Variants in JAK2 observed in about 807,000 individuals in gnomAD.
JAK2 encodes Janus kinase 2.
A neutral mutation model predicts 139.3 loss-of-function variants in JAK2; 86 were observed. That is an observed-to-expected ratio of 0.62 (90% CI 0.52 to 0.74). The LOEUF (loss-of-function observed/expected upper bound fraction) is 0.74, where lower values mean the gene tolerates loss of function less well. JAK2 is among the 30% of genes least tolerant of loss of function. The probability of loss-of-function intolerance (pLI) is 0.00; values close to 1 mark genes in which losing one functional copy is unlikely to be tolerated. For synonymous variants in JAK2, 490 were observed against 437.7 expected (o/e 1.12, Z -1.49); for missense variants, 1,421 against 1,360.3 (o/e 1.04, Z -0.70).
At chr9:4,996,928 CTTTTTTTTTTT>C (rs1166992356) in intron 2 of JAK2, among the ~76,000 whole-genome samples, 2 of 94,708 alleles carry the variant, frequency 2.1e-5, no homozygotes, top group Admixed American at 1.1e-4. Context: ...TTAGTTTGTT[CTTTTTTTTTTT>C]TTTTTTTTTT....
intron 5 of JAK2, among the ~76,000 whole-genome samples, chr9:5,045,640 G>A (rs1046503825): frequency 4.6e-5 from 7 of 152,008 alleles, no homozygotes; most frequent in African/African-American, 1.2e-4. Context: ...CCTTTTCTAT[G>A]TACCTCATAC....
chr9:5,026,613 T>C (rs1460460203), intron 3 of JAK2, among the ~76,000 whole-genome samples: 2 of 152,182 alleles, frequency 1.3e-5, no homozygotes, highest in African/African-American at 2.4e-5. Context: ...TCATTTCTGA[T>C]TTAATTGAAG....
At chr9:5,011,818 G>T (rs1587823737) in intron 2 of JAK2, among the ~76,000 whole-genome samples, 1 of 152,116 alleles carries the variant, frequency 6.6e-6, no homozygotes, top group Non-Finnish European at 1.5e-5. Context: ...GCGGAGGCTT[G>T]GTTTTAGGCT....
intron 2 of JAK2, among the ~76,000 whole-genome samples, chr9:4,989,951 A>C (rs1820150771): frequency 6.6e-6 from 1 of 152,214 alleles, no homozygotes. Flanking sequence ...TTGAATTGAG[A>C]AAGAGTTTGC....
intron 22 of JAK2, chr9:5,112,480 C>A: frequency 1.8e-6 from 1 of 554,012 alleles, no homozygotes; most frequent in Non-Finnish European, 3.3e-6. Context: ...CCGGACCAGC[C>A]CAGACAAGGA....
intron 15 of JAK2, 119 bp from the exon 16 acceptor site, chr9:5,078,187 C>T: frequency 1.3e-6 from 1 of 785,340 alleles, no homozygotes; most frequent in Non-Finnish European, 2.0e-6. Flanking sequence ...TGCATGCCTC[C>T]AAATTATTAT....
intron 14 of JAK2, among the ~76,000 whole-genome samples, chr9:5,074,808 A>G (rs977722464): frequency 6.6e-6 from 1 of 152,134 alleles, no homozygotes; most frequent in Non-Finnish European, 1.5e-5. Flanking sequence ...TATCCAGAAG[A>G]TCTAGCAAAG....
chr9:5,091,933 T>A (rs1396298131), intron 22 of JAK2, among the ~76,000 whole-genome samples: 1 of 151,938 alleles, frequency 6.6e-6, no homozygotes, highest in Non-Finnish European at 1.5e-5. Context: ...GTGGTATAGT[T>A]GTTTGGGGGG....
chr9:5,055,533 G>C, intron 7 of JAK2, 136 bp from the exon 8 acceptor site: 5 of 630,022 alleles, frequency 7.9e-6, no homozygotes, highest in Non-Finnish European at 1.3e-5. Flanking sequence ...AGTAAATCAC[G>C]TTTAATGCTT....
At chr9:5,103,033 C>A (rs761706886) in intron 22 of JAK2, among the ~76,000 whole-genome samples, 1 of 151,878 alleles carries the variant, frequency 6.6e-6, no homozygotes, top group Non-Finnish European at 1.5e-5. Context: ...GGTTCAAATT[C>A]ACACATAACA....
At chr9:5,063,094 C>T (rs1563967892) in intron 8 of JAK2, among the ~76,000 whole-genome samples, 1 of 152,006 alleles carries the variant, frequency 6.6e-6, no homozygotes, top group Non-Finnish European at 1.5e-5. Flanking sequence ...ACATGCTTGT[C>T]TCTTTATTAT....
At chr9:5,049,261 C>A (rs775132857) in intron 5 of JAK2, among the ~76,000 whole-genome samples, 1 of 152,142 alleles carries the variant, frequency 6.6e-6, no homozygotes, top group Non-Finnish European at 1.5e-5. Context: ...ATGATGAAAA[C>A]AGATCTCCAT....
Position 5,029,802 on chromosome 9 carries a change from T to C in JAK2, c.246T>C (p.His82=). ...SKACGITPVY[H]NMFALMSETE... ...TTCTAGGTATCACACCTGTGTATCA[T>C]AATATGTTTGCTTTAATGAGTGAAA... Residue 82 remains histidine (H), a synonymous_variant, in exon 4 of 25, where the codon CAT becomes CAC. Transcript: ENST00000381652. 1.2e-6 allele frequency: 2 copies of C among 1,611,442 alleles called. No individual in the cohort carries two copies. The highest frequency in any genetic ancestry group is 1.7e-6 in the Non-Finnish European group (2 of 1,178,086).
At chr9:5,082,176 C>T (rs1317930252) in intron 19 of JAK2, among the ~76,000 whole-genome samples, 1 of 152,156 alleles carries the variant, frequency 6.6e-6, no homozygotes, top group South Asian at 2.1e-4. Flanking sequence ...ATATGGAGGA[C>T]CCGCACCAAC....
intron 2 of JAK2, among the ~76,000 whole-genome samples, chr9:4,988,695 A>C (rs529107579): frequency 6.6e-6 from 1 of 152,278 alleles, no homozygotes; most frequent in Admixed American, 6.5e-5. Flanking sequence ...TTTTAAAACT[A>C]ATCCTATTGC....
intron 22 of JAK2, among the ~76,000 whole-genome samples, chr9:5,106,568 A>G (rs561305279): frequency 6.2e-4 from 94 of 152,370 alleles, no homozygotes; most frequent in Non-Finnish European, 8.7e-4. Flanking sequence ...CCAAAGGATT[A>G]TAAATCATGC....
In JAK2 at chr9:5,126,813, G is replaced by A. The variant is rs771905359; in HGVS notation, c.*22G>A. 1.4e-6 allele frequency: 2 copies of A among 1,432,660 alleles called. No individual in the cohort carries two copies. The highest frequency in any genetic ancestry group is 2.3e-5 in the South Asian group (2 of 85,616). The allele number at this position is 1,432,660 out of a possible 1,614,324, so 88.7% of individuals were successfully genotyped here. On this transcript the variant is annotated 3_prime_UTR_variant, in exon 25 of 25. Coordinates refer to ENST00000381652, the MANE Select transcript of JAK2 (RefSeq NM_004972.4). ...ATGAAAGAAATGACCTTCATTCTGAGACCAAAGTAGATTTACAGAACAAAG... is the reference window on the plus strand; with the variant it reads ...ATGAAAGAAATGACCTTCATTCTGAAACCAAAGTAGATTTACAGAACAAAG...
intron 2 of JAK2, among the ~76,000 whole-genome samples, chr9:5,000,646 A>G (rs1385127854): frequency 1.3e-5 from 2 of 152,028 alleles, no homozygotes; most frequent in African/African-American, 4.8e-5. Context: ...ATTTTTATAA[A>G]TTTTCCCTAT....
intron 2 of JAK2, among the ~76,000 whole-genome samples, chr9:5,021,127 G>C (rs989998829): frequency 2.0e-5 from 3 of 152,172 alleles, no homozygotes; most frequent in Admixed American, 2.0e-4. Flanking sequence ...ACATTGTGCA[G>C]GCTCTCTAGG....
Sources: allele counts gnomAD v4.1 joint callset (sites outside exome capture counted in the v4.1 genomes callset), GRCh38; gene constraint gnomAD v4.1.1; transcripts MANE v1.5; gene names NCBI Gene and HGNC (gene_info 2026-07-23, HGNC 2026-07-21).